BZW2: variants seen among roughly 807,000 people sequenced by gnomAD.
BZW2 encodes basic leucine zipper and W2 domains 2.
A neutral mutation model predicts 53.2 loss-of-function variants in BZW2; 23 were observed. The observed-to-expected ratio is 0.43, with a 90% CI of 0.31 to 0.61. BZW2 has a LOEUF of 0.61. Among genes scored for constraint, BZW2 ranks in the 20% least tolerant of loss-of-function variants. The pLI is 0.09. For synonymous variants in BZW2, 227 were observed against 186.4 expected (o/e 1.22, Z -1.77); for missense variants, 409 against 503.1 (o/e 0.81, Z 1.79).
intron 7 of BZW2, among the ~76,000 whole-genome samples, chr7:16,694,373 G>A (rs993985100): frequency 6.6e-6 from 1 of 152,070 alleles, no homozygotes; most frequent in Non-Finnish European, 1.5e-5. Context: ...ATCTGGTGAG[G>A]GCCTTCTTGC....
intron 1 of BZW2, among the ~76,000 whole-genome samples, chr7:16,652,354 G>A (rs1168729038): frequency 6.6e-6 from 1 of 152,006 alleles, no homozygotes; most frequent in Non-Finnish European, 1.5e-5. Context: ...ATCAGTGCTT[G>A]CTAACTTGTT....
At chr7:16,666,258 C>T (rs1233830730) in intron 2 of BZW2, among the ~76,000 whole-genome samples, 1 of 151,864 alleles carries the variant, frequency 6.6e-6, no homozygotes, top group Non-Finnish European at 1.5e-5. Context: ...CCACACCTGG[C>T]TACGTTTTAA....
chr7:16,704,001 G>A (rs550551582), intron 10 of BZW2, among the ~76,000 whole-genome samples: 13 of 152,242 alleles, frequency 8.5e-5, no homozygotes, highest in Non-Finnish European at 1.8e-4. Flanking sequence ...CAGTTTAGGT[G>A]TGTATTACTC....
intron 1 of BZW2, among the ~76,000 whole-genome samples, chr7:16,663,389 A>T (rs1349439904): frequency 6.6e-6 from 1 of 152,058 alleles, no homozygotes; most frequent in Non-Finnish European, 1.5e-5. Flanking sequence ...AGTTCATTTT[A>T]CTTTATAGGG....
intron 2 of BZW2, among the ~76,000 whole-genome samples, chr7:16,671,948 T>A (rs1010910842): frequency 3.4e-4 from 31 of 90,518 alleles, no homozygotes; most frequent in African/African-American, 1.1e-3. Flanking sequence ...AAAAAAAAAA[T>A]CGGAACACTA....
At chr7:16,653,517 G>C (rs1782039713) in intron 1 of BZW2, among the ~76,000 whole-genome samples, 1 of 152,096 alleles carries the variant, frequency 6.6e-6, no homozygotes, top group African/African-American at 2.4e-5. Context: ...ACCTCAGTTA[G>C]CAAGGCCAGT....
chr7:16,678,181 C>T (rs1179328221), intron 3 of BZW2, among the ~76,000 whole-genome samples: 2 of 145,288 alleles, frequency 1.4e-5, no homozygotes, highest in African/African-American at 2.6e-5. Flanking sequence ...GCAATTATCT[C>T]GAGTAGCCGG....
intron 2 of BZW2, among the ~76,000 whole-genome samples, chr7:16,670,972 A>G (rs1002503179): frequency 6.6e-6 from 1 of 152,212 alleles, no homozygotes; most frequent in Non-Finnish European, 1.5e-5. Context: ...TTATGTGACT[A>G]GTGTTAACCA....
At chr7:16,682,050 C>G (rs569533950) in intron 4 of BZW2, among the ~76,000 whole-genome samples, 76 of 152,178 alleles carry the variant, frequency 5.0e-4, no homozygotes, top group African/African-American at 1.8e-3. Context: ...GTCATTCTTT[C>G]TCCATAAAGG....
rs549559577 is a variant in BZW2, at chr7:16,650,907, G to A, written c.-8+4619G>A. Among the ~76,000 whole-genome samples, 18 of 152,282 alleles carry A rather than the reference G, an allele frequency of 1.2e-4. No homozygotes were observed. In the East Asian group the frequency reaches 3.3e-3, roughly 28 times the overall value. ...GTAAACTATCTATTTTGAAAATAAA[G>A]ATTTGAATAACTCATTGAATGAACC... On this transcript the variant is annotated intron_variant, in intron 1 of 11. Transcript: ENST00000258761.
chr7:16,699,208 G>T (rs1355391412), intron 10 of BZW2, among the ~76,000 whole-genome samples: 1 of 152,116 alleles, frequency 6.6e-6, no homozygotes, highest in Non-Finnish European at 1.5e-5. Context: ...AAATATGATG[G>T]CCACCCATTG....
chr7:16,665,297 C>G (rs1782389136), intron 1 of BZW2, 140 bp from the exon 2 acceptor site: 1 of 1,004,988 alleles, frequency 1.0e-6, no homozygotes, highest in Non-Finnish European at 1.5e-6. Context: ...CAGCGAGACT[C>G]TGTCTCAATT....
intron 1 of BZW2, among the ~76,000 whole-genome samples, chr7:16,659,369 A>G (rs966709870): frequency 6.6e-6 from 1 of 152,224 alleles, no homozygotes; most frequent in African/African-American, 2.4e-5. Context: ...TGATAAGGAT[A>G]TTAAACAAGC....
At chr7:16,654,500 C>A in intron 1 of BZW2, among the ~76,000 whole-genome samples, 1 of 121,076 alleles carries the variant, frequency 8.3e-6, no homozygotes, top group East Asian at 2.5e-4. Flanking sequence ...TAATTTTTTT[C>A]TGTATATAAC....
At chr7:16,705,309 GA>G (rs1783807438) in intron 11 of BZW2, among the ~76,000 whole-genome samples, 2 of 85,168 alleles carry the variant, frequency 2.3e-5, no homozygotes, top group Non-Finnish European at 6.5e-5. Flanking sequence ...AGTGAGCCAA[GA>G]TTGCGCCACT....
At chr7:16,652,797 T>C (rs751619454) in intron 1 of BZW2, among the ~76,000 whole-genome samples, 11 of 152,310 alleles carry the variant, frequency 7.2e-5, no homozygotes, top group Non-Finnish European at 1.3e-4. Context: ...AGTGCTGGGA[T>C]TACAGGCATG....
intron 1 of BZW2, among the ~76,000 whole-genome samples, chr7:16,651,889 T>C (rs1321645077): frequency 6.6e-6 from 1 of 152,216 alleles, no homozygotes; most frequent in Non-Finnish European, 1.5e-5. Context: ...ATTTATGCGC[T>C]ACTCCATCTT....
Position 16,698,068 on chromosome 7 carries a change from C to G in BZW2, c.990C>G (p.Ala330=). ...KHLKQYAPLL[A]VFSSQGQSEL... is the part of the protein sequence containing the mutation. ...TCTAGCAATATGCTCCCCTGCTGGC[C>G]GTGTTCAGCTCCCAAGGCCAGTCAG... is the stretch of plus-strand genomic sequence containing the variant. Residue 330 remains alanine (A), a synonymous_variant, in exon 10 of 12, where the codon GCC becomes GCG. Coordinates refer to ENST00000258761, the MANE Select transcript of BZW2 (RefSeq NM_014038.3). 3.1e-6 allele frequency: 5 copies of G among 1,614,112 alleles called. No individual in the cohort carries two copies. Among genetic ancestry groups the G allele is most frequent in the Non-Finnish European group, 4.2e-6 (5 of 1,179,996 alleles).
At chr7:16,693,814 A>G (rs1783394322) in intron 7 of BZW2, among the ~76,000 whole-genome samples, 1 of 152,216 alleles carries the variant, frequency 6.6e-6, no homozygotes, top group Admixed American at 6.5e-5. Flanking sequence ...CTCTTCTGAC[A>G]TTTTTGAAAC....
Sources: gnomAD v4.1 joint callset for allele counts (sites outside exome capture counted in the v4.1 genomes callset) on GRCh38, gnomAD v4.1.1 for gene constraint, MANE v1.5 for transcripts, NCBI Gene and HGNC (gene_info 2026-07-23, HGNC 2026-07-21) for gene names.